The following DNAH12 variants were observed in gnomAD, a reference collection of about 807,000 sequenced individuals.
DNAH12 encodes the protein axonemal beta dynein heavy chain 12.
DNAH12 carries 285 observed loss-of-function variants against 371.5 expected under a neutral mutation model. The observed-to-expected ratio is 0.77, with a 90% CI of 0.70 to 0.85. DNAH12 has a LOEUF of 0.85. Among genes scored for constraint, DNAH12 ranks in the 40% least tolerant of loss-of-function variants. The pLI is 0.00. For missense variants in DNAH12, 3,611 were observed against 3,689.4 expected (o/e 0.98, Z 0.55); for synonymous variants, 1,200 against 1,213.0 (o/e 0.99, Z 0.22).
rs574963662 is a variant in DNAH12, at chr3:57,457,192, T to C, written c.3336+529A>G. Among the ~76,000 whole-genome samples, 14 of 152,296 alleles carry C rather than the reference T, an allele frequency of 9.2e-5. No homozygotes were observed. In the South Asian group the frequency reaches 2.3e-3, roughly 25 times the overall value. ...AATCAGACTATGTCCCTTCCCTGAT[T>C]AAAATATTTAGATGGTGTTCCATTG... is the stretch of plus-strand genomic sequence containing the variant. On this transcript the variant is annotated intron_variant, in intron 22 of 73. Transcript: ENST00000495027.
At chr3:57,502,269 C>A in intron 10 of DNAH12, 54 bp downstream of exon 10, 2 of 1,599,204 alleles carry the variant, frequency 1.3e-6, no homozygotes, top group Non-Finnish European at 1.7e-6. Context: ...TGACCAAATT[C>A]TAGCACAAAT....
At chr3:57,489,365 A>C in intron 12 of DNAH12, 144 bp downstream of exon 12, 1 of 747,066 alleles carries the variant, frequency 1.3e-6, no homozygotes, top group Non-Finnish European at 2.0e-6. Context: ...ATGGGACTAC[A>C]AAGGCACCTC....
intron 55 of DNAH12, among the ~76,000 whole-genome samples, chr3:57,370,887 T>C (rs2063156846): frequency 6.6e-6 from 1 of 152,196 alleles, no homozygotes; most frequent in East Asian, 1.9e-4. Flanking sequence ...ACTGAGACCT[T>C]TGCATGAAGC....
At chr3:57,471,836 C>A (rs990931980) in intron 14 of DNAH12, among the ~76,000 whole-genome samples, 1 of 152,098 alleles carries the variant, frequency 6.6e-6, no homozygotes, top group African/African-American at 2.4e-5. Context: ...TAATTAAATG[C>A]TTTATTTAAC....
intron 25 of DNAH12, among the ~76,000 whole-genome samples, chr3:57,448,768 A>T (rs1262318437): frequency 6.6e-6 from 1 of 152,090 alleles, no homozygotes; most frequent in African/African-American, 2.4e-5. Flanking sequence ...CCACGTCCCC[A>T]TCAGATTAGT....
chr3:57,550,168 T>C, the DNAH12 span, among the ~76,000 whole-genome samples: 1 of 151,918 alleles, frequency 6.6e-6, no homozygotes, highest in Non-Finnish European at 1.5e-5. Context: ...GTTTTTTTAA[T>C]TAGCCAGGCA....
At chr3:57,495,841 A>T (rs371348670) in intron 11 of DNAH12, among the ~76,000 whole-genome samples, 5,926 of 142,554 alleles carry the variant, frequency 0.042, 180 homozygotes, top group Middle Eastern at 0.062. Context: ...TATATATTTT[A>T]AACAATGTAT....
chr3:57,346,755 G>C (rs1553658174), intron 60 of DNAH12, among the ~76,000 whole-genome samples: 2 of 152,094 alleles, frequency 1.3e-5, no homozygotes, highest in African/African-American at 4.8e-5. Context: ...TAAAAGTAAA[G>C]AGATAGAGAA....
Position 57,301,919 on chromosome 3 carries a change from T to C in DNAH12, c.11210A>G (p.Asn3737Ser). 1 of 1,551,574 alleles carries C rather than the reference T, an allele frequency of 6.4e-7. No homozygotes were observed. Among genetic ancestry groups the C allele is most frequent in the Admixed American group, 2.0e-5 (1 of 50,990 alleles). Reference protein sequence around the residue: ...RFNNLIITIRNTLRDLEKAIK... With the variant: ...RFNNLIITIRSTLRDLEKAIK... ...AGCTTTTTCAAGGTCCCGTAGAGTG[T>C]TACGTATAGTTATAATTAAACTGCA... is the stretch of plus-strand genomic sequence containing the variant. Residue 3737 changes from asparagine (N) to serine (S), a missense_variant, in exon 70 of 74, where the codon AAC becomes AGC. Around this residue, in one of 3 missense-constraint regions of DNAH12, gnomAD observed 2,266 missense variants for 2,236.9 expected, o/e 1.01. Coordinates refer to ENST00000495027, the MANE Select transcript of DNAH12 (RefSeq NM_001366028.2).
chr3:57,359,845 A>G (rs1206782501), intron 58 of DNAH12, among the ~76,000 whole-genome samples: 1 of 152,122 alleles, frequency 6.6e-6, no homozygotes, highest in Non-Finnish European at 1.5e-5. Context: ...TATTTTGGAG[A>G]GCCTTCCCTG....
chr3:57,315,673 A>G (rs2061669694), intron 65 of DNAH12, among the ~76,000 whole-genome samples: 1 of 152,090 alleles, frequency 6.6e-6, no homozygotes, highest in African/African-American at 2.4e-5. Flanking sequence ...AAGTGATCCC[A>G]GGAAGCAGGA....
At chr3:57,502,251 C>T in intron 10 of DNAH12, 72 bp downstream of exon 10, 1 of 1,580,094 alleles carries the variant, frequency 6.3e-7, no homozygotes, top group Non-Finnish European at 8.6e-7. Context: ...CCCAGACAAA[C>T]AAACATCTGA....
chr3:57,369,355 TAA>T (rs1474385082), intron 55 of DNAH12, among the ~76,000 whole-genome samples: 96,025 of 145,646 alleles, frequency 0.66, 32,370 homozygotes, highest in Non-Finnish European at 0.75. Flanking sequence ...AATAAATAAA[TAA>T]ATAAATATAT....
At chr3:57,500,368 C>T (rs1179098873) in intron 11 of DNAH12, among the ~76,000 whole-genome samples, 2 of 152,022 alleles carry the variant, frequency 1.3e-5, no homozygotes, top group East Asian at 1.9e-4. Context: ...AACTCAGATC[C>T]GAATAGATTA....
intron 18 of DNAH12, 83 bp downstream of exon 18, chr3:57,462,607 A>G: frequency 6.8e-7 from 1 of 1,469,684 alleles, no homozygotes; most frequent in Non-Finnish European, 9.1e-7. Context: ...CCAGTACTAT[A>G]CACATTCAAC....
intron 62 of DNAH12, among the ~76,000 whole-genome samples, chr3:57,330,359 T>C (rs903883577): frequency 1.3e-5 from 2 of 152,058 alleles, no homozygotes; most frequent in African/African-American, 2.4e-5. Context: ...GTGGCACATA[T>C]ACACCATAGA....
At chr3:57,457,406 C>T (rs2065931743) in intron 22 of DNAH12, among the ~76,000 whole-genome samples, 2 of 152,130 alleles carry the variant, frequency 1.3e-5, no homozygotes, top group Non-Finnish European at 2.9e-5. Flanking sequence ...CTTTACCTGG[C>T]TTATTCCTAC....
chr3:57,375,729 C>T (rs2063268527), intron 54 of DNAH12, 89 bp downstream of exon 54: 1 of 146,716 alleles, frequency 6.8e-6, no homozygotes. Context: ...TTCTTCTCTT[C>T]TGCCATTATT....
At chr3:57,545,347 C>T (rs1490777998), upstream of DNAH12, among the ~76,000 whole-genome samples, 1 of 146,578 alleles carries the variant, frequency 6.8e-6, no homozygotes, top group Admixed American at 6.9e-5. Context: ...TTAGTAGAGA[C>T]GGGGTTTCTC....
Sources: allele counts gnomAD v4.1 joint callset (sites outside exome capture counted in the v4.1 genomes callset), GRCh38; gene constraint gnomAD v4.1.1; regional missense constraint gnomAD v4.1.1; transcripts MANE v1.5; gene names NCBI Gene and HGNC (gene_info 2026-07-23, HGNC 2026-07-21).